The following SS18 variants were observed in gnomAD, a reference collection of about 807,000 sequenced individuals.
SS18 encodes the protein protein SSXT.
A neutral mutation model predicts 72.5 loss-of-function variants in SS18; 28 were observed. That is an observed-to-expected ratio of 0.39 (90% CI 0.29 to 0.53). The LOEUF (loss-of-function observed/expected upper bound fraction) is 0.53. Ranked by LOEUF, SS18 falls within the 20% of genes least tolerant of loss-of-function variation. The pLI is 0.76. For synonymous variants in SS18, 172 were observed against 164.2 expected, an observed-to-expected ratio of 1.05 and a Z score of -0.37; for missense variants, 518 against 535.3, an observed-to-expected ratio of 0.97 and a Z score of 0.32.
chr18:26,023,649 T>C (rs971443033), intron 10 of SS18: 18 of 527,858 alleles, frequency 3.4e-5, no homozygotes, highest in Non-Finnish European at 6.2e-5. Context: ...CCAGAGAAAA[T>C]ATCTTTCAAA....
At chr18:26,090,473 T>G in intron 1 of SS18, 28 bp downstream of exon 1, 2 of 1,553,060 alleles carry the variant, frequency 1.3e-6, no homozygotes, top group African/African-American at 1.4e-5. Context: ...GGTAAGGGCC[T>G]GGCATCCGCA....
At chr18:26,032,563 A>G (rs1335681698) in intron 9 of SS18, 31 bp from the exon 10 acceptor site, 1 of 1,610,236 alleles carries the variant, frequency 6.2e-7, no homozygotes, top group South Asian at 1.1e-5. Context: ...AAAAACCCAC[A>G]TAAAAAGGTA....
Position 26,078,168 on chromosome 18 carries a change from A to T in SS18, c.147-8T>A. The T allele has an allele frequency of 6.2e-7, 1 of 1,600,590 alleles. No individual in the cohort carries two copies. The highest frequency in any genetic ancestry group is 8.5e-7 in the Non-Finnish European group (1 of 1,170,946). The stretch of plus-strand genomic sequence containing the variant: ...TGCAACATCTGCTGATACCTATTAA[A>T]ACAAAACAAGTATCAGTATTAAAAA... On this transcript the variant is annotated splice_region_variant and splice_polypyrimidine_tract_variant and intron_variant, in intron 2 of 10. Transcript: ENST00000415083.
intron 5 of SS18, among the ~76,000 whole-genome samples, chr18:26,044,527 T>C (rs1402891641): frequency 6.6e-6 from 1 of 151,792 alleles, no homozygotes; most frequent in Non-Finnish European, 1.5e-5. Context: ...TTTCATTATG[T>C]TGGCCAGGTT....
At chr18:26,090,689 GGGGC>G, upstream of SS18, 1 of 1,054,846 alleles carries the variant, frequency 9.5e-7, no homozygotes, top group Non-Finnish European at 1.4e-6. Flanking sequence ...GGGATGCTCC[GGGGC>G]CAAGCGGACG....
chr18:26,039,441 T>C lies in SS18; in HGVS notation c.623A>G (p.Gln208Arg). ...MQPNQGPMMH[Q>R]QPPSQQYNMP... ...ATTGTATTGCTGAGAAGGAGGCTGC[T>C]GATGCATCATTGGACCTGAAACAAG... Residue 208 changes from glutamine to arginine, a missense_variant, in exon 6 of 11, where the codon CAG becomes CGG. Transcript: ENST00000415083. 6.2e-7 allele frequency: 1 copy of C among 1,613,490 alleles called. No individual in the cohort carries two copies.
chr18:26,054,159 G>A (rs759817390), intron 4 of SS18, among the ~76,000 whole-genome samples: 2 of 151,996 alleles, frequency 1.3e-5, no homozygotes, highest in Non-Finnish European at 2.9e-5. Context: ...GTGTTGTTTA[G>A]GGAATAATGA....
chr18:26,051,622 GGATCTT>G (rs1292051547), intron 5 of SS18, among the ~76,000 whole-genome samples: 2 of 151,998 alleles, frequency 1.3e-5, no homozygotes, highest in Admixed American at 1.3e-4. Context: ...AGCACTGACT[GGATCTT>G]GCTGTTGTTT....
chr18:26,075,498 G>A (rs552594140), intron 3 of SS18, among the ~76,000 whole-genome samples: 67 of 151,936 alleles, frequency 4.4e-4, no homozygotes, highest in African/African-American at 1.5e-3. Context: ...CATCTCATTC[G>A]ATGCAATAAA....
chr18:26,069,567 T>C (rs2144095558), intron 3 of SS18, among the ~76,000 whole-genome samples: 1 of 149,916 alleles, frequency 6.7e-6, no homozygotes, highest in East Asian at 2.0e-4. Context: ...TCAGCCCAGA[T>C]CGATTTAAGT....
At chr18:26,083,628 C>T (rs1444056569) in intron 2 of SS18, among the ~76,000 whole-genome samples, 1 of 152,064 alleles carries the variant, frequency 6.6e-6, no homozygotes, top group Admixed American at 6.5e-5. Flanking sequence ...TGTTTATCTA[C>T]AATTATCCAA....
rs369747340 is a variant in SS18, at chr18:26,083,390, TCA to T, written c.146+4109_146+4110del. Among the ~76,000 whole-genome samples the T allele has an allele frequency of 4.3e-3, 656 of 152,274 alleles. 4 individuals carry two copies. The highest frequency in any genetic ancestry group is 0.014 in the African/African-American group (591 of 41,546). On this transcript the variant is annotated intron_variant, in intron 2 of 10. Coordinates refer to ENST00000415083, the MANE Select transcript of SS18 (RefSeq NM_001007559.3). The stretch of plus-strand genomic sequence containing the variant: ...TTAAAAACCAAAGGCAAAAATAATT[TCA>T]GTTATTCATCACTTAACAATGGGGA...
rs111688200 is a variant in SS18, at chr18:26,038,125, G to A, written c.880+430C>T. 7.0e-3 allele frequency among the ~76,000 whole-genome samples: 1,061 copies of A among 152,088 alleles called. 11 individuals are homozygous for A. The highest frequency in any genetic ancestry group is 0.024 in the African/African-American group (1,003 of 41,510). On this transcript the variant is annotated intron_variant, in intron 7 of 10. Coordinates refer to ENST00000415083, the MANE Select transcript of SS18 (RefSeq NM_001007559.3). ...TATGAAACATTAATTAAAATGATGAGACTTGGAAAAATAACTTGAGAACTA... is the reference window on the plus strand; with the variant it reads ...TATGAAACATTAATTAAAATGATGAAACTTGGAAAAATAACTTGAGAACTA...
intron 5 of SS18, among the ~76,000 whole-genome samples, chr18:26,044,727 G>A (rs1035977104): frequency 7.2e-5 from 11 of 151,818 alleles, no homozygotes; most frequent in African/African-American, 2.7e-4. Flanking sequence ...TACTTAATTG[G>A]GATTTCCTGT....
chr18:26,044,772 A>C (rs990141855), intron 5 of SS18, among the ~76,000 whole-genome samples: 1 of 152,098 alleles, frequency 6.6e-6, no homozygotes, highest in African/African-American at 2.4e-5. Context: ...TTTTGGGCCA[A>C]GCAGGGGGGT....
chr18:26,031,773 A>G (rs764572930), intron 10 of SS18, among the ~76,000 whole-genome samples: 1 of 152,158 alleles, frequency 6.6e-6, no homozygotes, highest in Non-Finnish European at 1.5e-5. Flanking sequence ...ACGTGTGTGG[A>G]AGGAGGCAAC....
chr18:26,076,615 G>C (rs944708161), intron 3 of SS18, among the ~76,000 whole-genome samples: 1 of 151,914 alleles, frequency 6.6e-6, no homozygotes, highest in South Asian at 2.1e-4. Context: ...GTATCTTAGG[G>C]ACAAGCATCT....
intron 10 of SS18, among the ~76,000 whole-genome samples, chr18:26,028,222 G>A (rs2053484412): frequency 6.6e-6 from 1 of 151,910 alleles, no homozygotes; most frequent in Non-Finnish European, 1.5e-5. Context: ...TTGTCCTTAG[G>A]GATACTCAAA....
intron 2 of SS18, among the ~76,000 whole-genome samples, chr18:26,079,571 G>C (rs1043082372): frequency 6.6e-6 from 1 of 151,972 alleles, no homozygotes; most frequent in African/African-American, 2.4e-5. Context: ...TTTTTCTTTT[G>C]TTCGTTTTTG....
Sources: gnomAD v4.1 joint callset for allele counts (sites outside exome capture counted in the v4.1 genomes callset) on GRCh38, gnomAD v4.1.1 for gene constraint, MANE v1.5 for transcripts, NCBI Gene and HGNC (gene_info 2026-07-23, HGNC 2026-07-21) for gene names.